The following MACROD2 variants were observed in gnomAD, a reference collection of about 807,000 sequenced individuals.
MACROD2 encodes the protein ADP-ribose glycohydrolase MACROD2.
A neutral mutation model predicts 70.4 loss-of-function variants in MACROD2; 36 were observed. The ratio of observed to expected loss-of-function variants is 0.51; its 90% CI spans 0.39 to 0.68. The LOEUF (loss-of-function observed/expected upper bound fraction) is 0.68. MACROD2 is among the 30% of genes least tolerant of loss of function. MACROD2 has a pLI of 0.00. For synonymous variants in MACROD2, 172 were observed against 178.8 expected, an observed-to-expected ratio of 0.96 and a Z score of 0.30; for missense variants, 496 against 538.4, an observed-to-expected ratio of 0.92 and a Z score of 0.78.
chr20:14,459,884 C>G (rs536778835), intron 3 of MACROD2, among the ~76,000 whole-genome samples: 16 of 151,750 alleles, frequency 1.1e-4, no homozygotes, highest in South Asian at 4.1e-4. Context: ...TAGTCTCTCA[C>G]CCCCTGACAG....
intron 8 of MACROD2, among the ~76,000 whole-genome samples, chr20:15,603,639 G>A (rs1257411522): frequency 6.6e-6 from 1 of 152,080 alleles, no homozygotes; most frequent in Non-Finnish European, 1.5e-5. Context: ...AGGGATGCAG[G>A]AGCCATGGGC....
intron 5 of MACROD2, among the ~76,000 whole-genome samples, chr20:14,999,362 A>C (rs1399831253): frequency 6.6e-6 from 1 of 152,224 alleles, no homozygotes; most frequent in Admixed American, 6.5e-5. Flanking sequence ...TGACAGTATA[A>C]TATGTGAACA....
chr20:15,563,895 T>G (rs2048277333), intron 8 of MACROD2, among the ~76,000 whole-genome samples: 2 of 152,206 alleles, frequency 1.3e-5, no homozygotes, highest in African/African-American at 2.4e-5. Context: ...TTCCATTTAA[T>G]CAGCGCTGGA....
At chr20:14,649,167 A>G (rs574528398) in intron 4 of MACROD2, among the ~76,000 whole-genome samples, 37 of 152,298 alleles carry the variant, frequency 2.4e-4, no homozygotes, top group African/African-American at 8.7e-4. Context: ...GACAAAATAA[A>G]AGAAATAGCC....
chr20:14,587,517 G>A (rs1412544671), intron 4 of MACROD2, among the ~76,000 whole-genome samples: 1 of 151,616 alleles, frequency 6.6e-6, no homozygotes, highest in South Asian at 2.1e-4. Context: ...CATTAAAAAG[G>A]TTTAATCTTT....
chr20:14,134,676 G>A (rs1185817885), intron 3 of MACROD2, among the ~76,000 whole-genome samples: 2 of 151,774 alleles, frequency 1.3e-5, no homozygotes, highest in African/African-American at 2.4e-5. Context: ...GTGGTGGCGC[G>A]TGCGTGTAGT....
intron 3 of MACROD2, among the ~76,000 whole-genome samples, chr20:14,111,506 T>C (rs544652883): frequency 1.3e-5 from 2 of 151,832 alleles, no homozygotes; most frequent in African/African-American, 4.8e-5. Context: ...TCAAACAACT[T>C]TATAGGAAAA....
At chr20:14,232,261 C>A (rs1569218338) in intron 3 of MACROD2, among the ~76,000 whole-genome samples, 1 of 152,214 alleles carries the variant, frequency 6.6e-6, no homozygotes, top group African/African-American at 2.4e-5. Context: ...GTTAAACAAG[C>A]ATTGGCCTCA....
intron 4 of MACROD2, among the ~76,000 whole-genome samples, chr20:14,634,464 C>G (rs1049894919): frequency 6.6e-6 from 1 of 152,150 alleles, no homozygotes; most frequent in Non-Finnish European, 1.5e-5. Flanking sequence ...TCTTTGATCA[C>G]ATATTATTCA....
intron 8 of MACROD2, among the ~76,000 whole-genome samples, chr20:15,746,943 G>A (rs1423376138): frequency 6.6e-6 from 1 of 152,136 alleles, no homozygotes; most frequent in Non-Finnish European, 1.5e-5. Context: ...GACTTCCCTA[G>A]TGTTCCATTG....
At chr20:15,008,655 C>T (rs933594317) in intron 5 of MACROD2, among the ~76,000 whole-genome samples, 12 of 152,044 alleles carry the variant, frequency 7.9e-5, no homozygotes, top group African/African-American at 2.7e-4. Context: ...GACTGTTCCC[C>T]CCTTACATAA....
chr20:15,626,086 T>C (rs1395467946), intron 8 of MACROD2, among the ~76,000 whole-genome samples: 3 of 151,988 alleles, frequency 2.0e-5, no homozygotes, highest in African/African-American at 7.3e-5. Flanking sequence ...GCATTAACCA[T>C]ACAGATGAAG....
intron 8 of MACROD2, among the ~76,000 whole-genome samples, chr20:15,795,469 G>C (rs1427380062): frequency 6.6e-6 from 1 of 151,994 alleles, no homozygotes; most frequent in Non-Finnish European, 1.5e-5. Context: ...GAGTGGGAGG[G>C]TAGGCCATGG....
intron 8 of MACROD2, among the ~76,000 whole-genome samples, chr20:15,659,392 G>A (rs548168414): frequency 1.5e-5 from 2 of 131,506 alleles, no homozygotes; most frequent in South Asian, 5.0e-4. Flanking sequence ...GGCTGGGCAA[G>A]GTCTTCCTCC....
chr20:15,993,711 A>T, intron 15 of MACROD2, among the ~76,000 whole-genome samples: 1 of 152,314 alleles, frequency 6.6e-6, no homozygotes, highest in East Asian at 1.9e-4. Flanking sequence ...CCATACAATC[A>T]CACACAATTC....
chr20:15,392,421 A>G (rs1043857588), intron 6 of MACROD2, among the ~76,000 whole-genome samples: 2 of 152,102 alleles, frequency 1.3e-5, no homozygotes, highest in Non-Finnish European at 2.9e-5. Context: ...TATTATTTTA[A>G]TTTTTATGAT....
chr20:14,499,243 T>C (rs2084890029), intron 4 of MACROD2, among the ~76,000 whole-genome samples: 1 of 152,170 alleles, frequency 6.6e-6, no homozygotes, highest in South Asian at 2.1e-4. Context: ...AAATCTTAAC[T>C]GCCTCGGCCA....
At chr20:15,266,929 C>T (rs748872429) in intron 6 of MACROD2, among the ~76,000 whole-genome samples, 2 of 152,174 alleles carry the variant, frequency 1.3e-5, no homozygotes, top group East Asian at 1.9e-4. Flanking sequence ...GGCAGGGGCG[C>T]GGGGGGCATG....
At chr20:14,400,468 G>GA (rs2122834136) in intron 3 of MACROD2, among the ~76,000 whole-genome samples, 1 of 152,286 alleles carries the variant, frequency 6.6e-6, no homozygotes, top group South Asian at 2.1e-4. Flanking sequence ...GTACTAAGCT[G>GA]AAAATACAAG....
Sources: allele counts gnomAD v4.1 joint callset (sites outside exome capture counted in the v4.1 genomes callset), GRCh38; gene constraint gnomAD v4.1.1; transcripts MANE v1.5; gene names NCBI Gene and HGNC (gene_info 2026-07-23, HGNC 2026-07-21).